MGMT: variants seen among roughly 807,000 people sequenced by gnomAD.
The protein encoded by MGMT is methylated-DNA--protein-cysteine methyltransferase.
In MGMT, 14 loss-of-function variants were observed where a neutral mutation model predicts 15.9. The observed-to-expected ratio is 0.88, with a 90% CI of 0.58 to 1.37. The LOEUF is 1.37. Among genes scored for constraint, MGMT ranks in the 40% most tolerant of loss-of-function variants. The probability of loss-of-function intolerance (pLI) is 0.00; values close to 1 mark genes in which losing one functional copy is unlikely to be tolerated. For synonymous variants in MGMT, 130 were observed against 118.2 expected (o/e 1.10, Z -0.65); for missense variants, 282 against 268.1 (o/e 1.05, Z -0.36).
At chr10:129,576,337 A>G (rs1343891805) in intron 2 of MGMT, among the ~76,000 whole-genome samples, 1 of 152,190 alleles carries the variant, frequency 6.6e-6, no homozygotes, top group East Asian at 1.9e-4. Context: ...CTTATCCACC[A>G]TGATCAAGTG....
intron 2 of MGMT, among the ~76,000 whole-genome samples, chr10:129,639,225 A>G (rs1312765745): frequency 6.6e-6 from 1 of 152,168 alleles, no homozygotes; most frequent in African/African-American, 2.4e-5. Context: ...AGATATCTGA[A>G]ATGGCTATAT....
intron 3 of MGMT, among the ~76,000 whole-genome samples, chr10:129,757,254 A>G (rs1423961829): frequency 6.6e-6 from 1 of 152,214 alleles, no homozygotes; most frequent in Non-Finnish European, 1.5e-5. Context: ...TTATTATACG[A>G]TACTTTTACA....
At chr10:129,488,923 A>G (rs1845439846) in intron 1 of MGMT, among the ~76,000 whole-genome samples, 1 of 152,204 alleles carries the variant, frequency 6.6e-6, no homozygotes, top group Non-Finnish European at 1.5e-5. Context: ...AAATGAGGAG[A>G]GACACAGTAA....
intron 1 of MGMT, among the ~76,000 whole-genome samples, chr10:129,486,888 C>G (rs960887288): frequency 1.3e-5 from 2 of 152,182 alleles, no homozygotes; most frequent in African/African-American, 4.8e-5. Context: ...TGCTAGAACT[C>G]GCACAACACT....
intron 2 of MGMT, among the ~76,000 whole-genome samples, chr10:129,643,137 G>A (rs1447912421): frequency 2.6e-5 from 4 of 152,036 alleles, no homozygotes; most frequent in Middle Eastern, 3.2e-3. Context: ...TTTTTGTCTC[G>A]TGCGCTTCCC....
intron 1 of MGMT, among the ~76,000 whole-genome samples, chr10:129,468,866 C>T (rs1845200047): frequency 1.3e-5 from 2 of 152,092 alleles, no homozygotes; most frequent in Middle Eastern, 3.4e-3. Flanking sequence ...ACCTGGGCGA[C>T]GAGAGTGAAA....
chr10:129,561,911 G>A (rs1481823899), intron 2 of MGMT, among the ~76,000 whole-genome samples: 1 of 152,172 alleles, frequency 6.6e-6, no homozygotes, highest in Non-Finnish European at 1.5e-5. Flanking sequence ...CATTAGCCAC[G>A]TCGTTGACTC....
chr10:129,551,808 A>T lies in MGMT; in HGVS notation c.125+15431A>T, dbSNP rs973181656. Among the ~76,000 whole-genome samples the T allele has an allele frequency of 6.6e-5, 10 of 152,288 alleles. 1 individual carries two copies. Among genetic ancestry groups the T allele is most frequent in the Admixed American group, 6.5e-4 (10 of 15,304 alleles). ...TGGAACATGCCTTAGAGAAAGCCAGAGGGGTCAGGCATAGCCTCCTGTGCC... is the reference window on the plus strand; with the variant it reads ...TGGAACATGCCTTAGAGAAAGCCAGTGGGGTCAGGCATAGCCTCCTGTGCC... On this transcript the variant is annotated intron_variant, in intron 2 of 4. Transcript: ENST00000651593.
At chr10:129,676,250 C>T (rs570637606) in intron 2 of MGMT, among the ~76,000 whole-genome samples, 9 of 152,272 alleles carry the variant, frequency 5.9e-5, no homozygotes, top group African/African-American at 1.7e-4. Context: ...TCCCTGTGGC[C>T]GCCCCCCGAC....
chr10:129,663,626 A>G (rs1847625683), intron 2 of MGMT, among the ~76,000 whole-genome samples: 1 of 152,190 alleles, frequency 6.6e-6, no homozygotes, highest in African/African-American at 2.4e-5. Context: ...AAATATATAA[A>G]ATGAGAATGA....
intron 3 of MGMT, among the ~76,000 whole-genome samples, chr10:129,716,235 G>C (rs1848294929): frequency 6.6e-6 from 1 of 152,206 alleles, no homozygotes; most frequent in South Asian, 2.1e-4. Flanking sequence ...ATTCAGGTTA[G>C]GTATTGGTAA....
chr10:129,657,701 A>G (rs542513275), intron 2 of MGMT, among the ~76,000 whole-genome samples: 3,984 of 131,194 alleles, frequency 0.03, 90 homozygotes, highest in South Asian at 0.06. Context: ...ACACACACAC[A>G]CACACGCACA....
At chr10:129,524,693 G>A (rs1218143648) in intron 1 of MGMT, among the ~76,000 whole-genome samples, 2 of 140,686 alleles carry the variant, frequency 1.4e-5, no homozygotes, top group South Asian at 2.4e-4. Flanking sequence ...CCGGGTTCAC[G>A]CCATTCTCCT....
At chr10:129,522,483 TGTCC>T (rs1445126949) in intron 1 of MGMT, among the ~76,000 whole-genome samples, 1 of 152,206 alleles carries the variant, frequency 6.6e-6, no homozygotes, top group Non-Finnish European at 1.5e-5. Flanking sequence ...CAGTGCTCTT[TGTCC>T]GTAGGATCTG....
chr10:129,475,224 G>A lies in MGMT; in HGVS notation c.-13+7928G>A, dbSNP rs917471527. On this transcript the variant is annotated intron_variant, in intron 1 of 4. Transcript: ENST00000651593. ...TGAGGGTCACGGGGTGGGGTGGGGAGCATTGAGGCCACTGTTGCAGGCCTG... is the reference window on the plus strand; with the variant it reads ...TGAGGGTCACGGGGTGGGGTGGGGAACATTGAGGCCACTGTTGCAGGCCTG... 7.9e-5 allele frequency among the ~76,000 whole-genome samples: 12 copies of A among 152,192 alleles called. No individual in the cohort carries two copies. In the South Asian group the frequency reaches 1.9e-3, roughly 24 times the overall value.
chr10:129,593,082 T>C (rs1846708094), intron 2 of MGMT, among the ~76,000 whole-genome samples: 1 of 152,202 alleles, frequency 6.6e-6, no homozygotes, highest in African/African-American at 2.4e-5. Context: ...CTCTGCTTCC[T>C]TCTTGTGTAG....
intron 3 of MGMT, among the ~76,000 whole-genome samples, chr10:129,710,335 C>T (rs1229932955): frequency 6.6e-6 from 1 of 152,232 alleles, no homozygotes; most frequent in Non-Finnish European, 1.5e-5. Context: ...GCGACAGCCG[C>T]TCACATCCTT....
chr10:129,731,987 C>T (rs1278173358), intron 3 of MGMT, among the ~76,000 whole-genome samples: 1 of 152,084 alleles, frequency 6.6e-6, no homozygotes, highest in Non-Finnish European at 1.5e-5. Context: ...AAATAACATC[C>T]TAGTATTGCT....
At chr10:129,634,698 T>C (rs1009396906) in intron 2 of MGMT, among the ~76,000 whole-genome samples, 1 of 152,312 alleles carries the variant, frequency 6.6e-6, no homozygotes, top group East Asian at 1.9e-4. Flanking sequence ...TTTTTTTTAC[T>C]ATATTCTATA....
Sources: allele counts gnomAD v4.1 joint callset (sites outside exome capture counted in the v4.1 genomes callset), GRCh38; gene constraint gnomAD v4.1.1; transcripts MANE v1.5; gene names NCBI Gene and HGNC (gene_info 2026-07-23, HGNC 2026-07-21).